The following TLN2 variants were observed in gnomAD, a reference collection of about 807,000 sequenced individuals.
TLN2 encodes talin-2.
A neutral mutation model predicts 294.7 loss-of-function variants in TLN2; 118 were observed. The observed-to-expected ratio is 0.40, with a 90% CI of 0.34 to 0.47. TLN2 has a LOEUF of 0.47. Ranked by LOEUF, TLN2 falls within the 20% of genes least tolerant of loss-of-function variation. The pLI is 0.84. For synonymous variants in TLN2, 1,431 were observed against 1,304.5 expected, an observed-to-expected ratio of 1.10 and a Z score of -2.09; for missense variants, 3,083 against 3,282.2, an observed-to-expected ratio of 0.94 and a Z score of 1.48.
At chr15:62,686,524 C>T (rs2057305516) in intron 11 of TLN2, 117 bp from the exon 12 acceptor site, 1 of 1,263,222 alleles carries the variant, frequency 7.9e-7, no homozygotes, top group Non-Finnish European at 1.1e-6. Context: ...TTCCCTATAG[C>T]CCTACCTGTT....
At chr15:62,463,885 TCAAACAAA>T (rs752946600) in intron 1 of TLN2, among the ~76,000 whole-genome samples, 3 of 152,068 alleles carry the variant, frequency 2.0e-5, no homozygotes, top group African/African-American at 4.8e-5. Flanking sequence ...AGACTCTGTC[TCAAACAAA>T]CAAACAAACA....
intron 13 of TLN2, among the ~76,000 whole-genome samples, 169 bp from the exon 14 acceptor site, chr15:62,694,147 T>A (rs140899622): frequency 9.2e-5 from 14 of 151,974 alleles, no homozygotes; most frequent in African/African-American, 3.1e-4. Context: ...TATGTATATA[T>A]ATATTTTTTA....
chr15:62,700,199 A>G (rs968302373), intron 16 of TLN2, among the ~76,000 whole-genome samples: 3 of 152,208 alleles, frequency 2.0e-5, no homozygotes, highest in African/African-American at 7.2e-5. Context: ...AATATTTAAG[A>G]TTTAACATTC....
chr15:62,430,988 T>G (rs2034981794), intron 1 of TLN2, among the ~76,000 whole-genome samples: 1 of 151,088 alleles, frequency 6.6e-6, no homozygotes, highest in Non-Finnish European at 1.5e-5. Flanking sequence ...ATAGTAATAA[T>G]TTGGATGATC....
chr15:62,430,453 C>T (rs1009685207), intron 1 of TLN2, among the ~76,000 whole-genome samples: 9 of 152,162 alleles, frequency 5.9e-5, no homozygotes, highest in Middle Eastern at 3.2e-3. Context: ...CTGTTTTGTT[C>T]GCTAGATGTT....
chr15:62,595,976 A>G (rs2046468236), intron 2 of TLN2, among the ~76,000 whole-genome samples: 1 of 152,224 alleles, frequency 6.6e-6, no homozygotes, highest in Non-Finnish European at 1.5e-5. Flanking sequence ...TGGTGACTAC[A>G]GTTAATAATG....
intron 1 of TLN2, among the ~76,000 whole-genome samples, chr15:62,505,326 C>G (rs1450158178): frequency 6.6e-6 from 1 of 152,170 alleles, no homozygotes; most frequent in Non-Finnish European, 1.5e-5. Context: ...TCCTCTTCCT[C>G]TTATTTTGCA....
intron 1 of TLN2, among the ~76,000 whole-genome samples, chr15:62,399,968 C>T (rs1336681853): frequency 6.6e-6 from 1 of 151,984 alleles, no homozygotes; most frequent in East Asian, 1.9e-4. Flanking sequence ...TGGGAGGGGG[C>T]AGGGGTGGAA....
chr15:62,575,705 A>T (rs2044332600), intron 1 of TLN2, among the ~76,000 whole-genome samples: 1 of 152,194 alleles, frequency 6.6e-6, no homozygotes, highest in Non-Finnish European at 1.5e-5. Context: ...ACTAAAGTCC[A>T]CTGCCCTGCA....
At chr15:62,530,055 G>T (rs973044187) in intron 1 of TLN2, among the ~76,000 whole-genome samples, 2 of 152,174 alleles carry the variant, frequency 1.3e-5, no homozygotes, top group Non-Finnish European at 2.9e-5. Flanking sequence ...GCCGGGCCTT[G>T]TGGCTTGCGC....
chr15:62,518,997 T>G (rs72753888), intron 1 of TLN2, among the ~76,000 whole-genome samples: 15,031 of 152,304 alleles, frequency 0.099, 836 homozygotes, highest in Middle Eastern at 0.18. Context: ...TTAGAAATAT[T>G]AACTTGTTTA....
In TLN2 at chr15:62,701,993, T is replaced by G. The variant is rs2058746596; in HGVS notation, c.1698T>G (p.Gly566=). 1 of 1,614,052 alleles carries G rather than the reference T, an allele frequency of 6.2e-7. No homozygotes were observed. The highest frequency in any genetic ancestry group is 8.5e-7 in the Non-Finnish European group (1 of 1,180,026). The change falls in exon 18 of 59, where the codon GGT becomes GGG. Residue 566 remains glycine, a splice_region_variant and synonymous_variant. Transcript: ENST00000636159. The part of the protein sequence containing the change: ...GTASVVNLTA[G]DPADTDYTAV... ...GGGGATGGTTCTTTTCTGTGCCAGG[T>G]GACCCTGCAGACACTGACTACACAG...
chr15:62,694,499 G>T, intron 14 of TLN2, 107 bp downstream of exon 14: 1 of 839,584 alleles, frequency 1.2e-6, no homozygotes, highest in Non-Finnish European at 2.0e-6. Flanking sequence ...TGGAGAAGAT[G>T]ACAGCAGATG....
intron 37 of TLN2, among the ~76,000 whole-genome samples, chr15:62,757,613 G>C (rs1356532154): frequency 6.6e-6 from 1 of 152,098 alleles, no homozygotes; most frequent in Non-Finnish European, 1.5e-5. Flanking sequence ...GTTCTTTTCA[G>C]ATTCTCCTCA....
At chr15:62,460,662 T>C (rs558157814) in intron 1 of TLN2, among the ~76,000 whole-genome samples, 1 of 152,356 alleles carries the variant, frequency 6.6e-6, no homozygotes, top group South Asian at 2.1e-4. Flanking sequence ...CAGGAATCTT[T>C]AGCTGGCTTT....
intron 54 of TLN2, among the ~76,000 whole-genome samples, chr15:62,826,496 T>C (rs2068213217): frequency 6.6e-6 from 1 of 152,234 alleles, no homozygotes; most frequent in Admixed American, 6.5e-5. Context: ...CAGCTGTCCA[T>C]GCCTGGCTCT....
intron 37 of TLN2, among the ~76,000 whole-genome samples, chr15:62,759,767 G>T (rs2062546533): frequency 6.6e-6 from 1 of 152,204 alleles, no homozygotes; most frequent in Non-Finnish European, 1.5e-5. Context: ...AGCCACTGGT[G>T]GGGCTGGGAC....
chr15:62,543,758 A>AC (rs1011045200), intron 1 of TLN2, among the ~76,000 whole-genome samples: 2 of 151,886 alleles, frequency 1.3e-5, no homozygotes, highest in African/African-American at 4.8e-5. Flanking sequence ...TGTCTCAAAA[A>AC]AAAAAAAAAA....
intron 9 of TLN2, among the ~76,000 whole-genome samples, chr15:62,658,800 CA>C (rs2053512708): frequency 6.6e-6 from 1 of 152,202 alleles, no homozygotes; most frequent in Non-Finnish European, 1.5e-5. Context: ...GTTCCTTTAG[CA>C]GTTTCCACGT....
Sources: allele counts gnomAD v4.1 joint callset (sites outside exome capture counted in the v4.1 genomes callset), GRCh38; gene constraint gnomAD v4.1.1; transcripts MANE v1.5; gene names NCBI Gene and HGNC (gene_info 2026-07-23, HGNC 2026-07-21).